Variants in DGLUCY observed in about 807,000 individuals in gnomAD.
DGLUCY encodes D-glutamate cyclase.
In DGLUCY, 58 loss-of-function variants were observed where a neutral mutation model predicts 58.5. The ratio of observed to expected loss-of-function variants is 0.99; its 90% CI spans 0.80 to 1.23. DGLUCY has a LOEUF of 1.23. Among genes scored for constraint, DGLUCY ranks in the 50% most tolerant of loss-of-function variants. DGLUCY has a pLI of 0.00. For synonymous variants in DGLUCY, 325 were observed against 314.1 expected, an observed-to-expected ratio of 1.03 and a Z score of -0.37; for missense variants, 779 against 784.7, an observed-to-expected ratio of 0.99 and a Z score of 0.09.
intron 1 of DGLUCY, among the ~76,000 whole-genome samples, chr14:91,152,773 A>G (rs889350418): frequency 6.6e-6 from 1 of 152,242 alleles, no homozygotes; most frequent in South Asian, 2.1e-4. Context: ...GGACATCTAC[A>G]GAAACCAAAA....
chr14:91,105,062 C>T (rs191937685), upstream of DGLUCY, among the ~76,000 whole-genome samples: 4 of 152,306 alleles, frequency 2.6e-5, no homozygotes, highest in African/African-American at 9.6e-5. Context: ...CGCCTATAAT[C>T]CCAGCACTTT....
Position 91,160,309 on chromosome 14 carries a change from C to T in DGLUCY, c.15C>T (p.Leu5=), listed in dbSNP as rs1473137537. MPFT[L]HLRSRLPSAI... The stretch of plus-strand genomic sequence containing the variant: ...AAGTTGACACGATGCCCTTCACACT[C>T]CACCTGAGGTCCCGCCTTCCCTCTG... Residue 5 remains leucine, a synonymous_variant, in exon 3 of 14, where the codon CTC becomes CTT. Transcript: ENST00000256324. 1.2e-6 allele frequency: 2 copies of T among 1,612,786 alleles called. No homozygotes were observed. Among genetic ancestry groups the T allele is most frequent in the African/African-American group, 2.7e-5 (2 of 74,736 alleles).
chr14:91,093,795 A>AAAAC (rs55667197), intron 1 of DGLUCY, among the ~76,000 whole-genome samples: 36,966 of 150,876 alleles, frequency 0.25, 5,577 homozygotes, highest in South Asian at 0.4. Flanking sequence ...ACAGAGCAAC[A>AAAAC]AAACAAACAA....
At chr14:91,102,485 C>T (rs971340454) in intron 1 of DGLUCY, among the ~76,000 whole-genome samples, 4 of 152,060 alleles carry the variant, frequency 2.6e-5, no homozygotes, top group African/African-American at 9.7e-5. Context: ...CCCCCTCCTC[C>T]TCCGGCCCCG....
rs539565864 is a variant in DGLUCY at position 91,217,609 on chromosome 14, C to T, written c.1716+2053C>T. Among the ~76,000 whole-genome samples the T allele has an allele frequency of 1.2e-4, 18 of 150,564 alleles. No homozygotes were observed. The South Asian group carries it at 1.2e-3, about 10-fold the overall frequency. The stretch of plus-strand genomic sequence containing the variant: ...AAGCAACTCTCCTGCCTTAGCCTCT[C>T]GAGTAGCTGGGATTACAGGTGCCTG... On this transcript the variant is annotated intron_variant, in intron 13 of 13. Coordinates refer to ENST00000256324, the MANE Select transcript of DGLUCY (RefSeq NM_001102368.3).
chr14:91,077,750 C>CAA (rs1269460176), intron 1 of DGLUCY, among the ~76,000 whole-genome samples: 5 of 68,274 alleles, frequency 7.3e-5, no homozygotes, highest in Admixed American at 3.6e-4. Flanking sequence ...GACTCTGTCT[C>CAA]AAAAAAAAAA....
intron 7 of DGLUCY, among the ~76,000 whole-genome samples, chr14:91,176,987 G>GTCTT (rs564525014): frequency 0.09 from 13,454 of 149,950 alleles, 1,731 homozygotes; most frequent in African/African-American, 0.29. Context: ...TTCTTGTCTT[G>GTCTT]TCTTTCTTTC....
intron 8 of DGLUCY, chr14:91,185,645 C>G (rs2049469324): frequency 6.6e-6 from 1 of 151,192 alleles, no homozygotes; most frequent in African/African-American, 2.4e-5. Flanking sequence ...GCTGATGGCT[C>G]TCCATTTAGC....
At chr14:91,151,935 C>T (rs1168610839) in intron 1 of DGLUCY, among the ~76,000 whole-genome samples, 4 of 152,166 alleles carry the variant, frequency 2.6e-5, no homozygotes, top group African/African-American at 9.6e-5. Context: ...CCCCACCCAG[C>T]CCTTCTTTTT....
exon 1 of DGLUCY, chr14:91,060,487 A>C: frequency 7.6e-7 from 1 of 1,307,900 alleles, no homozygotes; most frequent in African/African-American, 1.5e-5. Context: ...CCCAGGAGAC[A>C]GCGGACGCCC....
chr14:91,130,480 G>C (rs1477693404), intron 1 of DGLUCY, among the ~76,000 whole-genome samples: 2 of 151,762 alleles, frequency 1.3e-5, no homozygotes, highest in Non-Finnish European at 2.9e-5. Context: ...GCTAATTTTT[G>C]TATTTTTAGT....
At chr14:91,074,112 TATATATACACACACAC>T (rs1456566004) in intron 1 of DGLUCY, among the ~76,000 whole-genome samples, 1 of 60,642 alleles carries the variant, frequency 1.6e-5, no homozygotes, top group African/African-American at 5.6e-5. Flanking sequence ...AAAATATATA[TATATATACACACACAC>T]ACACACACAC....
At chr14:91,112,750 T>G (rs1413241889), upstream of DGLUCY, among the ~76,000 whole-genome samples, 1 of 150,690 alleles carries the variant, frequency 6.6e-6, no homozygotes, top group Non-Finnish European at 1.5e-5. Context: ...CTGGGAGCGG[T>G]GGCTGACACC....
In DGLUCY at chr14:91,143,778, T is replaced by G. The variant is rs183355103; in HGVS notation, c.-81-13861T>G. On this transcript the variant is annotated intron_variant, in intron 1 of 13. Coordinates refer to ENST00000256324, the MANE Select transcript of DGLUCY (RefSeq NM_001102368.3). ...GAAAGAGCAAGACTATGCCAGACAT[T>G]GTGCTGGGTATTTGACTAACATGAT... Among the ~76,000 whole-genome samples the G allele has an allele frequency of 5.2e-3, 789 of 152,308 alleles. 3 individuals carry two copies. Among genetic ancestry groups the G allele is most frequent in the Non-Finnish European group, 7.8e-3 (528 of 68,026 alleles).
intron 12 of DGLUCY, among the ~76,000 whole-genome samples, chr14:91,214,474 G>A (rs1229350944): frequency 6.6e-6 from 1 of 152,234 alleles, no homozygotes; most frequent in Non-Finnish European, 1.5e-5. Flanking sequence ...AAGAGGTCAT[G>A]CGATCCAGCG....
At chr14:91,134,923 A>G (rs1324565962) in intron 1 of DGLUCY, among the ~76,000 whole-genome samples, 1 of 151,088 alleles carries the variant, frequency 6.6e-6, no homozygotes. Flanking sequence ...GCCTTTACAC[A>G]TTTTTTTCTT....
At chr14:91,094,479 A>C (rs913575125) in intron 1 of DGLUCY, among the ~76,000 whole-genome samples, 1 of 151,024 alleles carries the variant, frequency 6.6e-6, no homozygotes, top group East Asian at 2.0e-4. Flanking sequence ...ACAGGATCCC[A>C]GAGGCAGAGG....
intron 2 of DGLUCY, among the ~76,000 whole-genome samples, chr14:91,158,608 G>A (rs931525116): frequency 6.6e-6 from 1 of 152,144 alleles, no homozygotes; most frequent in Non-Finnish European, 1.5e-5. Context: ...ATTGTGGAAA[G>A]TCAGGCTTGT....
At chr14:91,168,373 CT>C (rs1395548225) in intron 4 of DGLUCY, among the ~76,000 whole-genome samples, 2 of 152,168 alleles carry the variant, frequency 1.3e-5, no homozygotes, top group Non-Finnish European at 2.9e-5. Context: ...AGTTTCTCCC[CT>C]GACCCCTGAC....
Sources: allele counts gnomAD v4.1 joint callset (sites outside exome capture counted in the v4.1 genomes callset), GRCh38; gene constraint gnomAD v4.1.1; transcripts MANE v1.5; gene names NCBI Gene and HGNC (gene_info 2026-07-23, HGNC 2026-07-21).